The following GPC6 variants were observed in gnomAD, a reference collection of about 807,000 sequenced individuals.
GPC6 encodes glypican-6.
GPC6 carries 14 observed loss-of-function variants against 55.2 expected under a neutral mutation model. The observed-to-expected ratio is 0.25, with a 90% CI of 0.17 to 0.40. The LOEUF is 0.40. GPC6 is among the 10% of genes least tolerant of loss of function. GPC6 has a pLI of 1.00. For synonymous variants in GPC6, 278 were observed against 259.6 expected, an observed-to-expected ratio of 1.07 and a Z score of -0.68; for missense variants, 641 against 708.5, an observed-to-expected ratio of 0.90 and a Z score of 1.08.
At chr13:94,178,912 A>T (rs1026489949) in intron 4 of GPC6, among the ~76,000 whole-genome samples, 1 of 152,226 alleles carries the variant, frequency 6.6e-6, no homozygotes, top group East Asian at 1.9e-4. Context: ...CACCCAGTAC[A>T]TCAGCTAAGC....
intron 4 of GPC6, among the ~76,000 whole-genome samples, chr13:94,250,462 A>G (rs137975106): frequency 0.012 from 1,877 of 152,262 alleles, 41 homozygotes; most frequent in African/African-American, 0.043. Flanking sequence ...TCACTACTGT[A>G]TTTGCTTATC....
intron 1 of GPC6, among the ~76,000 whole-genome samples, chr13:93,462,647 AAC>A (rs1190822673): frequency 6.6e-6 from 1 of 152,052 alleles, no homozygotes; most frequent in East Asian, 1.9e-4. Context: ...TGAAAAAAAA[AAC>A]AACTAAGGAA....
At chr13:93,916,183 C>T (rs149031943) in intron 3 of GPC6, among the ~76,000 whole-genome samples, 1 of 152,196 alleles carries the variant, frequency 6.6e-6, no homozygotes, top group East Asian at 1.9e-4. Flanking sequence ...TGTCTCATTT[C>T]TCCTTGATTC....
intron 3 of GPC6, among the ~76,000 whole-genome samples, chr13:93,962,781 T>C (rs969673491): frequency 1.3e-5 from 2 of 152,142 alleles, no homozygotes; most frequent in Non-Finnish European, 2.9e-5. Context: ...TGATCGCTTT[T>C]TTGCTCTTTG....
Position 94,122,284 on chromosome 13 carries a change from A to G in GPC6, c.877+94390A>G, listed in dbSNP as rs142515724. ...GCAGGCTTTTCTCATTTAATCCTCTATGAAGTCTCATTTGACTTCATTTTA... is the reference window on the plus strand; with the variant it reads ...GCAGGCTTTTCTCATTTAATCCTCTGTGAAGTCTCATTTGACTTCATTTTA... On this transcript the variant is annotated intron_variant, in intron 4 of 8. Coordinates refer to ENST00000377047, the MANE Select transcript of GPC6 (RefSeq NM_005708.5). Among the ~76,000 whole-genome samples, 1,001 of 152,166 alleles carry G rather than the reference A, an allele frequency of 6.6e-3. 30 individuals are homozygous for G. The highest frequency in any genetic ancestry group is 0.062 in the East Asian group (320 of 5,156).
chr13:93,972,216 C>T (rs561236806), intron 3 of GPC6, among the ~76,000 whole-genome samples: 1 of 152,298 alleles, frequency 6.6e-6, no homozygotes, highest in Non-Finnish European at 1.5e-5. Flanking sequence ...TTGCTATCCG[C>T]TATCAAATGG....
At chr13:93,354,325 A>G (rs1022312578) in intron 1 of GPC6, among the ~76,000 whole-genome samples, 2 of 150,496 alleles carry the variant, frequency 1.3e-5, no homozygotes, top group African/African-American at 2.4e-5. Context: ...GACAAGTCAC[A>G]ATAAGAAGTG....
intron 4 of GPC6, among the ~76,000 whole-genome samples, chr13:94,192,928 T>C (rs1889445401): frequency 6.6e-6 from 1 of 152,122 alleles, no homozygotes; most frequent in Non-Finnish European, 1.5e-5. Flanking sequence ...AGACACATGA[T>C]GGTTTAATGT....
chr13:93,221,704 GTAAC>G, the GPC6 span, among the ~76,000 whole-genome samples: 205 of 152,236 alleles, frequency 1.3e-3, 2 homozygotes, highest in African/African-American at 4.7e-3. Context: ...TTCTTTCTCT[GTAAC>G]TCAGCAACCT....
Position 93,662,644 on chromosome 13 carries a change from G to A in GPC6, c.319+117223G>A, listed in dbSNP as rs370425859. On this transcript the variant is annotated intron_variant, in intron 2 of 8. Coordinates refer to ENST00000377047, the MANE Select transcript of GPC6 (RefSeq NM_005708.5). ...AGACGTCTTTCAAAAAAAGCCAAACGAACAAACAAACAAAAAAAAAACTTC... is the reference window on the plus strand; with the variant it reads ...AGACGTCTTTCAAAAAAAGCCAAACAAACAAACAAACAAAAAAAAAACTTC... 1.0e-4 allele frequency among the ~76,000 whole-genome samples: 15 copies of A among 150,310 alleles called. No individual in the cohort carries two copies. The East Asian group carries it at 2.7e-3, about 28-fold the overall frequency.
intron 3 of GPC6, among the ~76,000 whole-genome samples, chr13:93,994,839 T>C (rs974235323): frequency 6.6e-6 from 1 of 152,224 alleles, no homozygotes; most frequent in African/African-American, 2.4e-5. Flanking sequence ...CTTCATCTAA[T>C]AAACTTTTAT....
intron 1 of GPC6, among the ~76,000 whole-genome samples, chr13:93,540,158 T>C (rs1882233468): frequency 6.6e-6 from 1 of 152,100 alleles, no homozygotes; most frequent in Admixed American, 6.6e-5. Flanking sequence ...CCAGGCTGGC[T>C]TCTAAAGGTC....
intron 1 of GPC6, among the ~76,000 whole-genome samples, chr13:93,287,332 G>A (rs1377610692): frequency 6.6e-6 from 1 of 152,164 alleles, no homozygotes; most frequent in African/African-American, 2.4e-5. Context: ...GGCCAAAAGT[G>A]AGCCAATGAC....
intron 3 of GPC6, among the ~76,000 whole-genome samples, chr13:93,961,112 C>T (rs1477837664): frequency 6.6e-6 from 1 of 152,106 alleles, no homozygotes; most frequent in Non-Finnish European, 1.5e-5. Flanking sequence ...CCGCACTTGG[C>T]CTATTGCTGG....
chr13:94,063,954 A>C (rs981529196), intron 4 of GPC6, among the ~76,000 whole-genome samples: 1 of 152,200 alleles, frequency 6.6e-6, no homozygotes, highest in Non-Finnish European at 1.5e-5. Context: ...AACACCATGC[A>C]CCAGGAAGAG....
intron 6 of GPC6, among the ~76,000 whole-genome samples, chr13:94,358,497 T>C (rs1220789426): frequency 1.3e-5 from 2 of 152,032 alleles, no homozygotes; most frequent in African/African-American, 4.8e-5. Flanking sequence ...ATCTGAAAAT[T>C]AAAAGACCTT....
intron 2 of GPC6, among the ~76,000 whole-genome samples, chr13:93,618,750 C>T (rs1239135757): frequency 6.6e-6 from 1 of 152,070 alleles, no homozygotes; most frequent in Non-Finnish European, 1.5e-5. Flanking sequence ...AACTGGAAAA[C>T]ATCAGCATAT....
intron 6 of GPC6, among the ~76,000 whole-genome samples, chr13:94,322,764 C>G (rs1216119180): frequency 6.6e-6 from 1 of 152,012 alleles, no homozygotes; most frequent in Non-Finnish European, 1.5e-5. Flanking sequence ...GTGCTAGGCT[C>G]CACAAAAGCA....
chr13:93,895,234 G>GTGTGTGTGTGTGTGTATATATA (rs1196315147), intron 3 of GPC6, among the ~76,000 whole-genome samples: 1 of 108,208 alleles, frequency 9.2e-6, no homozygotes, highest in African/African-American at 3.7e-5. Flanking sequence ...GTGTGTGTGT[G>GTGTGTGTGTGTGTGTATATATA]TATATATATA....
Sources: gnomAD v4.1 joint callset for allele counts (sites outside exome capture counted in the v4.1 genomes callset) on GRCh38, gnomAD v4.1.1 for gene constraint, MANE v1.5 for transcripts, NCBI Gene and HGNC (gene_info 2026-07-23, HGNC 2026-07-21) for gene names.